Variants in GARIN2 observed in about 807,000 individuals in gnomAD.
GARIN2 encodes the protein golgi associated RAB2 interactor family member 2, also known as Golgi-associated RAB2 interactor protein 2.
the GARIN2 span, chr14:67,204,746 T>C: frequency 1.9e-6 from 3 of 1,613,820 alleles, no homozygotes; most frequent in African/African-American, 2.7e-5. Flanking sequence ...GTTTCAAGTC[T>C]CTCAGGAATT....
the GARIN2 span, among the ~76,000 whole-genome samples, chr14:67,217,140 T>G: frequency 6.6e-6 from 1 of 152,040 alleles, no homozygotes; most frequent in Middle Eastern, 3.4e-3. Context: ...ATTGATCCGT[T>G]TATAACTATA....
chr14:67,225,191 G>A, the GARIN2 span: 3 of 1,561,424 alleles, frequency 1.9e-6, no homozygotes, highest in Non-Finnish European at 2.6e-6. Context: ...CTTTCTCAAG[G>A]GAATGAATGT....
the GARIN2 span, among the ~76,000 whole-genome samples, chr14:67,209,409 C>A: frequency 6.6e-6 from 1 of 152,080 alleles, no homozygotes; most frequent in Middle Eastern, 3.2e-3. Flanking sequence ...CAAGTGTGAA[C>A]CTCTGGGGGA....
the GARIN2 span, among the ~76,000 whole-genome samples, chr14:67,195,986 A>T: frequency 6.6e-6 from 1 of 152,094 alleles, no homozygotes; most frequent in Non-Finnish European, 1.5e-5. Context: ...GGGTTTCGCC[A>T]TGTTGGCCAG....
the GARIN2 span, chr14:67,225,052 C>G: frequency 1.3e-4 from 169 of 1,323,620 alleles, no homozygotes; most frequent in Non-Finnish European, 1.6e-4. Context: ...GGCTTTTTTT[C>G]TTTCTCACTT....
At chr14:67,226,961 T>A in the GARIN2 span, among the ~76,000 whole-genome samples, 1 of 152,204 alleles carries the variant, frequency 6.6e-6, no homozygotes. Flanking sequence ...CATCTTTCAA[T>A]ATAATATAGA....
chr14:67,209,539 G>A, the GARIN2 span, among the ~76,000 whole-genome samples: 2 of 152,102 alleles, frequency 1.3e-5, no homozygotes, highest in Admixed American at 1.3e-4. Context: ...AGCATAATAG[G>A]CCGGGTGTGG....
the GARIN2 span, chr14:67,208,369 A>C: frequency 6.2e-7 from 1 of 1,614,032 alleles, no homozygotes; most frequent in East Asian, 2.2e-5. Flanking sequence ...AGGCAAATAC[A>C]TCCAAGGAGA....
the GARIN2 span, among the ~76,000 whole-genome samples, chr14:67,193,572 G>T: frequency 7.1e-6 from 1 of 140,230 alleles, no homozygotes; most frequent in Non-Finnish European, 1.5e-5. Context: ...TATCTATATA[G>T]ATCTATATAT....
chr14:67,192,245 G>A, the GARIN2 span, among the ~76,000 whole-genome samples: 1,243 of 152,252 alleles, frequency 8.2e-3, 18 homozygotes, highest in African/African-American at 0.029. Context: ...ATACACAATC[G>A]TGATAGAATA....
chr14:67,221,801 A>T, the GARIN2 span: 5 of 1,613,158 alleles, frequency 3.1e-6, no homozygotes, highest in East Asian at 6.7e-5. Flanking sequence ...TGAATCAAAC[A>T]CTTCAGGTAT....
At chr14:67,194,030 G>A in the GARIN2 span, among the ~76,000 whole-genome samples, 2 of 148,418 alleles carry the variant, frequency 1.3e-5, no homozygotes, top group Non-Finnish European at 3.0e-5. Flanking sequence ...AAACTGGAAA[G>A]ACATATACCA....
At chr14:67,228,426 T>A in the GARIN2 span, 4 of 346,130 alleles carry the variant, frequency 1.2e-5, no homozygotes, top group South Asian at 2.4e-4. Context: ...CACCTTTTTT[T>A]AAAATCAGAT....
chr14:67,218,247 T>C, the GARIN2 span, among the ~76,000 whole-genome samples: 1 of 152,212 alleles, frequency 6.6e-6, no homozygotes, highest in Non-Finnish European at 1.5e-5. Flanking sequence ...CACACAGTTG[T>C]TGTCTATGAG....
At chr14:67,212,793 T>C in the GARIN2 span, among the ~76,000 whole-genome samples, 1 of 151,560 alleles carries the variant, frequency 6.6e-6, no homozygotes, top group African/African-American at 2.4e-5. Flanking sequence ...CAAAGGAAAA[T>C]GGGTGATCCT....
At chr14:67,218,456 T>C in the GARIN2 span, among the ~76,000 whole-genome samples, 1 of 152,130 alleles carries the variant, frequency 6.6e-6, no homozygotes, top group South Asian at 2.1e-4. Flanking sequence ...GGGGACAGCC[T>C]GTGGGCTGTT....
the GARIN2 span, among the ~76,000 whole-genome samples, chr14:67,213,677 C>T: frequency 6.6e-6 from 1 of 152,054 alleles, no homozygotes; most frequent in Admixed American, 6.5e-5. Context: ...TGGGTATATA[C>T]CCAGTAATGG....
At chr14:67,205,753 G>A in the GARIN2 span, among the ~76,000 whole-genome samples, 1 of 152,162 alleles carries the variant, frequency 6.6e-6, no homozygotes, top group Admixed American at 6.6e-5. Context: ...CACTCTTTGG[G>A]CAAACGTTAG....
At chr14:67,205,074 C>T in the GARIN2 span, 2 of 1,550,432 alleles carry the variant, frequency 1.3e-6, no homozygotes, top group South Asian at 2.4e-5. Flanking sequence ...TAATCAGGGC[C>T]AAGCAAGAGG....
Sources: gnomAD v4.1 joint callset for allele counts (sites outside exome capture counted in the v4.1 genomes callset) on GRCh38, gnomAD v4.1.1 for gene constraint, MANE v1.5 for transcripts, NCBI Gene and HGNC (gene_info 2026-07-23, HGNC 2026-07-21) for gene names.